The following TMEM209 variants were observed in gnomAD, a reference collection of about 807,000 sequenced individuals.
TMEM209 encodes the protein transmembrane protein 209, also known as testicular tissue protein Li 202.
In TMEM209, 65 loss-of-function variants were observed where a neutral mutation model predicts 76.2. That is an observed-to-expected ratio of 0.85 (90% CI 0.70 to 1.05). The LOEUF is 1.05. Among genes scored for constraint, TMEM209 ranks in the 50% least tolerant of loss-of-function variants. The pLI is 0.00. For synonymous variants in TMEM209, 239 were observed against 237.6 expected, an observed-to-expected ratio of 1.01 and a Z score of -0.06; for missense variants, 623 against 685.5, an observed-to-expected ratio of 0.91 and a Z score of 1.02.
chr7:130,175,127 CA>C (rs1797191455), intron 11 of TMEM209: 1 of 159,810 alleles, frequency 6.3e-6, no homozygotes, highest in African/African-American at 2.4e-5. Flanking sequence ...GATAGGCAAA[CA>C]AAAACACATA....
intron 13 of TMEM209, among the ~76,000 whole-genome samples, chr7:130,172,720 CG>C (rs1451985002): frequency 6.6e-6 from 1 of 151,794 alleles, no homozygotes; most frequent in Admixed American, 6.6e-5. Context: ...ATTTTTAGGC[CG>C]GGCATGGTGG....
At chr7:130,185,121 G>A (rs1584680169) in intron 7 of TMEM209, 71 bp downstream of exon 7, 1 of 1,478,028 alleles carries the variant, frequency 6.8e-7, no homozygotes, top group Non-Finnish European at 9.1e-7. Context: ...CAGAAAAAAT[G>A]TTCCAGAAGT....
Position 130,176,358 on chromosome 7 carries a change from T to A in TMEM209, c.1247-749A>T, listed in dbSNP as rs369286857. On this transcript the variant is annotated intron_variant, in intron 10 of 14. Coordinates refer to ENST00000397622, the MANE Select transcript of TMEM209 (RefSeq NM_032842.4). ...GGATGGTCTCGATCTCCTGACCTTG[T>A]GATCCATCTGCCTGGGCCTCCCAAA... Among the ~76,000 whole-genome samples the A allele has an allele frequency of 3.5e-4, 53 of 152,120 alleles. 1 individual carries two copies. The East Asian group carries it at 4.8e-3, about 14-fold the overall frequency.
intron 10 of TMEM209, among the ~76,000 whole-genome samples, chr7:130,177,135 G>A (rs981907171): frequency 2.0e-5 from 3 of 151,630 alleles, no homozygotes; most frequent in Non-Finnish European, 4.4e-5. Context: ...GGTGGATCAC[G>A]AGGTCAGGAA....
chr7:130,192,781 T>C lies in TMEM209; in HGVS notation c.616A>G (p.Thr206Ala), dbSNP rs1024975736. 9 of 1,613,926 alleles carry C rather than the reference T, an allele frequency of 5.6e-6. No individual in the cohort carries two copies. Among genetic ancestry groups the C allele is most frequent in the Non-Finnish European group, 3.4e-6 (4 of 1,179,846 alleles). Residue 206 changes from threonine to alanine, a missense_variant, in exon 6 of 15, where the codon ACT (threonine) becomes GCT (alanine). Physicochemically the swap from Thr to Ala is moderately conservative, Grantham distance 58. Coordinates refer to ENST00000397622, the MANE Select transcript of TMEM209 (RefSeq NM_032842.4). ...SPSPPSPYPT[T>A]VGPVESSGLR... The stretch of plus-strand genomic sequence containing the variant: ...CCACTGCTCTCCACTGGTCCAACAG[T>C]GGTAGGGTACGGAGAAGGAGGAGAG...
intron 9 of TMEM209, among the ~76,000 whole-genome samples, chr7:130,181,357 C>T (rs1254291456): frequency 6.6e-6 from 1 of 152,104 alleles, no homozygotes; most frequent in East Asian, 1.9e-4. Flanking sequence ...GTTTCTTTTT[C>T]AGGTGATGAA....
chr7:130,177,548 G>A (rs1368961112), intron 10 of TMEM209, among the ~76,000 whole-genome samples: 3 of 151,954 alleles, frequency 2.0e-5, no homozygotes, highest in Non-Finnish European at 2.9e-5. Flanking sequence ...GCAGGGGGTC[G>A]CGGGAGGCTT....
chr7:130,188,744 T>C (rs1344330002), intron 6 of TMEM209, among the ~76,000 whole-genome samples: 3 of 152,062 alleles, frequency 2.0e-5, no homozygotes, highest in African/African-American at 7.2e-5. Flanking sequence ...AGAAATCCAG[T>C]TGCTATCAAC....
chr7:130,176,770 C>A (rs534410301), intron 10 of TMEM209, among the ~76,000 whole-genome samples: 1 of 152,028 alleles, frequency 6.6e-6, no homozygotes, highest in African/African-American at 2.4e-5. Flanking sequence ...ATATTTGAAT[C>A]CCAATTCAAA....
intron 7 of TMEM209, 29 bp downstream of exon 7, chr7:130,185,163 A>C: frequency 6.3e-7 from 1 of 1,589,942 alleles, no homozygotes; most frequent in Non-Finnish European, 8.6e-7. Flanking sequence ...TAAATCATAA[A>C]TATTAAGTCA....
intron 10 of TMEM209, 110 bp from the exon 11 acceptor site, chr7:130,175,719 A>G (rs1330404764): frequency 2.6e-6 from 2 of 777,586 alleles, no homozygotes; most frequent in Non-Finnish European, 4.0e-6. Context: ...AAACTTGATC[A>G]AAACACCCAA....
chr7:130,195,208 C>T (rs777543203), intron 5 of TMEM209, among the ~76,000 whole-genome samples: 13 of 152,072 alleles, frequency 8.5e-5, no homozygotes, highest in African/African-American at 2.7e-4. Context: ...ATTGCATACA[C>T]CTTATACATT....
intron 13 of TMEM209, among the ~76,000 whole-genome samples, chr7:130,172,731 G>A (rs1797111083): frequency 6.6e-6 from 1 of 152,050 alleles, no homozygotes; most frequent in African/African-American, 2.4e-5. Flanking sequence ...GGGCATGGTG[G>A]CTTATGCCTG....
At chr7:130,185,887 A>C (rs1797581120) in intron 6 of TMEM209, among the ~76,000 whole-genome samples, 1 of 152,184 alleles carries the variant, frequency 6.6e-6, no homozygotes, top group African/African-American at 2.4e-5. Context: ...AGACTATCTG[A>C]TGGTTATCCT....
intron 6 of TMEM209, among the ~76,000 whole-genome samples, chr7:130,186,723 A>T (rs1406322161): frequency 6.8e-4 from 104 of 152,188 alleles, no homozygotes; most frequent in Non-Finnish European, 1.4e-3. Context: ...CAAAGCAAAG[A>T]AAAAATGTAC....
chr7:130,184,240 C>A lies in TMEM209; in HGVS notation c.967G>T (p.Ala323Ser). ...TGATCAAGAAGTTGTCTATTCATAG[C>A]CACTCTTGCCCAGACCTATAAAAAT... is the stretch of plus-strand genomic sequence containing the variant. Reference protein sequence around the residue: ...QAAEEVWARVAMNRQLLDHMD... With the variant: ...QAAEEVWARVSMNRQLLDHMD... Residue 323 changes from alanine (A) to serine (S), a missense_variant, in exon 8 of 15, where the codon GCT (alanine) becomes TCT (serine). Ala to Ser is a moderately conservative substitution (Grantham distance 99). Coordinates refer to ENST00000397622, the MANE Select transcript of TMEM209 (RefSeq NM_032842.4). 1 of 1,605,122 alleles carries A rather than the reference C, an allele frequency of 6.2e-7. No individual in the cohort carries two copies.
At position 130,165,791 on chromosome 7, in the gene TMEM209, C is replaced by A. The variant is rs1317501836; in HGVS notation, c.*660G>T. 2 of 151,508 alleles carry A rather than the reference C, an allele frequency of 1.3e-5. No homozygotes were observed. The highest frequency in any genetic ancestry group is 4.9e-5 in the African/African-American group (2 of 41,218). 9.4% of individuals were successfully genotyped at this position (151,508 alleles called of 1,614,324 possible). A position where few individuals can be genotyped will look rare whatever the true frequency, so the allele number is the denominator to read the frequency against. On this transcript the variant is annotated 3_prime_UTR_variant, in exon 15 of 15. Coordinates refer to ENST00000397622, the MANE Select transcript of TMEM209 (RefSeq NM_032842.4). ...AAATAACTGAGGCTGGGCGCAGTGG[C>A]TCGCACCTATAATCCCAGCACTTTG...
intron 5 of TMEM209, among the ~76,000 whole-genome samples, chr7:130,195,222 A>T (rs1797930167): frequency 6.6e-6 from 1 of 152,170 alleles, no homozygotes; most frequent in Non-Finnish European, 1.5e-5. Flanking sequence ...ATACATTAGC[A>T]TGTAGGGAGA....
chr7:130,202,766 C>T (rs1798264326), intron 3 of TMEM209, 103 bp from the exon 4 acceptor site: 1 of 1,277,668 alleles, frequency 7.8e-7, no homozygotes, highest in Non-Finnish European at 1.0e-6. Context: ...CCTTCTTATT[C>T]CTCATAAAAA....
Sources: gnomAD v4.1 joint callset for allele counts (sites outside exome capture counted in the v4.1 genomes callset) on GRCh38, gnomAD v4.1.1 for gene constraint, MANE v1.5 for transcripts, NCBI Gene and HGNC (gene_info 2026-07-23, HGNC 2026-07-21) for gene names.